The following MAK variants were observed in gnomAD, a reference collection of about 807,000 sequenced individuals.
MAK encodes the protein serine/threonine-protein kinase MAK.
A neutral mutation model predicts 82.6 loss-of-function variants in MAK; 65 were observed. That is an observed-to-expected ratio of 0.79 (90% CI 0.64 to 0.97). MAK has a LOEUF of 0.97. Ranked by LOEUF, MAK falls within the 50% of genes least tolerant of loss-of-function variation. MAK has a pLI of 0.00. For synonymous variants in MAK, 250 were observed against 274.2 expected (o/e 0.91, Z 0.87); for missense variants, 703 against 780.2 (o/e 0.90, Z 1.18).
intron 9 of MAK, among the ~76,000 whole-genome samples, chr6:10,794,291 A>G (rs1170911547): frequency 6.6e-6 from 1 of 152,166 alleles, no homozygotes; most frequent in African/African-American, 2.4e-5. Flanking sequence ...TCCTTCATTC[A>G]CTGAACAAAT....
Position 10,830,633 on chromosome 6 carries a change from T to C in MAK, c.16A>G (p.Thr6Ala), listed in dbSNP as rs200406214. ...GTGCCGTCCCCCAACTGTCTCATGGTTGTGTATCGGTTCATCTTGGAAAAA... is the reference window on the plus strand; with the variant it reads ...GTGCCGTCCCCCAACTGTCTCATGGCTGTGTATCGGTTCATCTTGGAAAAA... MNRYT[T>A]MRQLGDGTYG... The change falls in exon 2 of 15, where the codon ACC (threonine) becomes GCC (alanine). Residue 6 changes from threonine to alanine, a missense_variant. Transcript: ENST00000354489. The C allele has an allele frequency of 9.3e-6, 15 of 1,613,902 alleles. No individual in the cohort carries two copies. Among genetic ancestry groups the C allele is most frequent in the Non-Finnish European group, 1.1e-5 (13 of 1,179,720 alleles).
chr6:10,787,743 C>G (rs1774703830), intron 10 of MAK, among the ~76,000 whole-genome samples: 1 of 151,726 alleles, frequency 6.6e-6, no homozygotes, highest in African/African-American at 2.4e-5. Context: ...CACCTGCAGT[C>G]CCAGCTACTC....
chr6:10,831,307 T>C (rs1294223585), intron 1 of MAK, among the ~76,000 whole-genome samples: 1 of 152,222 alleles, frequency 6.6e-6, no homozygotes, highest in Non-Finnish European at 1.5e-5. Flanking sequence ...GTAAGGTAAG[T>C]ATAAAGCAAA....
At position 10,764,465 on chromosome 6, in the gene MAK, C is replaced by G. The variant is rs2127500816; in HGVS notation, c.1934G>C (p.Gly645Ala). Residue 645 changes from glycine (G) to alanine (A), a missense_variant, in exon 15 of 15, where the codon GGA (glycine) becomes GCA (alanine). Coordinates refer to ENST00000354489, the MANE Select transcript of MAK (RefSeq NM_001242957.3). ...HGRTDWVAKY[G>A]GHR Reference sequence around the variant, plus strand: ...CACCATAGACTCCTACCGGTGGCCTCCATACTTGGCCACCCAGTCTGTCCT... The same window carrying G: ...CACCATAGACTCCTACCGGTGGCCTGCATACTTGGCCACCCAGTCTGTCCT... 1 of 1,614,010 alleles carries G rather than the reference C, an allele frequency of 6.2e-7. No homozygotes were observed. The highest frequency in any genetic ancestry group is 8.5e-7 in the Non-Finnish European group (1 of 1,179,954).
chr6:10,774,420 A>T (rs1351504769), intron 12 of MAK, among the ~76,000 whole-genome samples: 3 of 152,206 alleles, frequency 2.0e-5, no homozygotes, highest in African/African-American at 7.2e-5. Context: ...TTATTGCTGG[A>T]ATCACAGCAT....
intron 8 of MAK, among the ~76,000 whole-genome samples, chr6:10,798,799 A>T (rs1040732671): frequency 2.3e-4 from 34 of 145,014 alleles, no homozygotes; most frequent in African/African-American, 7.4e-4. Flanking sequence ...GTTTAGAAAC[A>T]TTATTTATTT....
chr6:10,826,357 T>A (rs906575373), intron 2 of MAK, among the ~76,000 whole-genome samples: 2 of 151,886 alleles, frequency 1.3e-5, no homozygotes, highest in South Asian at 4.2e-4. Flanking sequence ...GGACCCAATA[T>A]TCCCCCATCA....
rs554213519 is a variant in MAK at position 10,835,555 on chromosome 6, C to T, written c.-230+2948G>A. Among the ~76,000 whole-genome samples the T allele has an allele frequency of 2.0e-5, 3 of 152,342 alleles. No individual in the cohort carries two copies. In the East Asian group the frequency reaches 5.8e-4, roughly 29 times the overall value. On this transcript the variant is annotated intron_variant, in intron 1 of 14. Coordinates refer to ENST00000354489, the MANE Select transcript of MAK (RefSeq NM_001242957.3). ...GGTTTATAGGCGTGAGCCACTGCGC[C>T]CAGCCATGAAAATTATTTAATTCAG...
At chr6:10,802,315 G>GT (rs902505750) in intron 7 of MAK, 127 of 413,882 alleles carry the variant, frequency 3.1e-4, no homozygotes, top group South Asian at 4.8e-4. Context: ...GTTTTTTTGT[G>GT]TTTTTTTTGA....
intron 5 of MAK, among the ~76,000 whole-genome samples, chr6:10,809,825 C>T (rs1281161417): frequency 2.0e-5 from 3 of 152,110 alleles, no homozygotes; most frequent in African/African-American, 4.8e-5. Flanking sequence ...GGGGGCCAGG[C>T]GTGGTGGCTC....
chr6:10,827,502 C>G (rs918666372), intron 2 of MAK, among the ~76,000 whole-genome samples: 1 of 152,184 alleles, frequency 6.6e-6, no homozygotes, highest in Non-Finnish European at 1.5e-5. Context: ...CAATCCTAAT[C>G]AGCAGGACTG....
chr6:10,770,989 T>G (rs1269775448), intron 13 of MAK, among the ~76,000 whole-genome samples: 1 of 151,236 alleles, frequency 6.6e-6, no homozygotes, highest in African/African-American at 2.4e-5. Context: ...AACTCCTAAG[T>G]TTGCAGCTCA....
At chr6:10,771,599 G>T (rs1773024058) in intron 13 of MAK, among the ~76,000 whole-genome samples, 1 of 152,202 alleles carries the variant, frequency 6.6e-6, no homozygotes, top group South Asian at 2.1e-4. Flanking sequence ...TTTCTCTATA[G>T]CGTTATCTGT....
At chr6:10,806,993 A>G (rs1348420433) in intron 6 of MAK, among the ~76,000 whole-genome samples, 3 of 151,980 alleles carry the variant, frequency 2.0e-5, no homozygotes, top group Non-Finnish European at 4.4e-5. Flanking sequence ...TTCAGCCCCC[A>G]CATCTGATTC....
At chr6:10,829,714 C>T (rs1237452538) in intron 2 of MAK, among the ~76,000 whole-genome samples, 1 of 152,188 alleles carries the variant, frequency 6.6e-6, no homozygotes, top group African/African-American at 2.4e-5. Context: ...ACAAGCCAGA[C>T]AGTTAAAGTA....
rs1468105399 is a variant in MAK at position 10,830,581 on chromosome 6, C to G, written c.68G>C (p.Ser23Thr). 6.2e-7 allele frequency: 1 copy of G among 1,614,140 alleles called. No individual in the cohort carries two copies. Residue 23 changes from serine (S) to threonine (T), a missense_variant, in exon 2 of 15, where the codon AGT becomes ACT. Transcript: ENST00000354489. ...GTYGSVLMGK[S>T]NESGELVAIK... is the part of the protein sequence containing the mutation. ...GGCCACCAGCTCCCCGGATTCATTA[C>G]TCTTGCCCATAAGCACACTCCCATA... is the stretch of plus-strand genomic sequence containing the variant.
chr6:10,813,557 CAGTT>C, intron 5 of MAK, 83 bp downstream of exon 5: 1 of 797,854 alleles, frequency 1.3e-6, no homozygotes, highest in East Asian at 2.5e-5. Context: ...TCCAATATAA[CAGTT>C]ATTTAACAGT....
chr6:10,779,086 C>A (rs1699518771), intron 11 of MAK, among the ~76,000 whole-genome samples: 1 of 143,198 alleles, frequency 7.0e-6, no homozygotes, highest in Admixed American at 7.1e-5. Context: ...TGAGGTGGTA[C>A]CACTGCACTC....
intron 4 of MAK, among the ~76,000 whole-genome samples, chr6:10,815,260 TG>T (rs1272471028): frequency 6.6e-6 from 1 of 152,208 alleles, no homozygotes; most frequent in East Asian, 1.9e-4. Context: ...AGCAAGACTA[TG>T]CCTCTAAAAC....
Sources: allele counts gnomAD v4.1 joint callset (sites outside exome capture counted in the v4.1 genomes callset), GRCh38; gene constraint gnomAD v4.1.1; transcripts MANE v1.5; gene names NCBI Gene and HGNC (gene_info 2026-07-23, HGNC 2026-07-21).